PGAP1: variants seen among roughly 807,000 people sequenced by gnomAD.
PGAP1 encodes post-GPI attachment to proteins inositol deacylase 1.
Under a neutral mutation model 127.0 loss-of-function variants are expected in PGAP1, and 76 were observed. That is an observed-to-expected ratio of 0.60 (90% CI 0.50 to 0.72). The LOEUF (loss-of-function observed/expected upper bound fraction) is 0.72, where lower values mean the gene tolerates loss of function less well. Ranked by LOEUF, PGAP1 falls within the 30% of genes least tolerant of loss-of-function variation. The pLI is 0.00. For synonymous variants in PGAP1, 362 were observed against 366.5 expected (o/e 0.99, Z 0.14); for missense variants, 982 against 1,071.3 (o/e 0.92, Z 1.16).
intron 8 of PGAP1, among the ~76,000 whole-genome samples, chr2:196,892,641 A>G (rs1396050052): frequency 1.3e-5 from 2 of 152,112 alleles, no homozygotes; most frequent in Non-Finnish European, 2.9e-5. Context: ...GGAATTATCA[A>G]CATAGGAAAT....
rs2125802631 is a variant in PGAP1, at chr2:196,875,738, G to A, written c.1426+8C>T. ...AATTCTTATGCTTTCCAAAAACAAA[G>A]TACTTACCAAAGGAAAAAAGATGAG... On this transcript the variant is annotated splice_region_variant and intron_variant, in intron 14 of 26. Coordinates refer to ENST00000354764, the MANE Select transcript of PGAP1 (RefSeq NM_024989.4). 6.7e-7 allele frequency: 1 copy of A among 1,496,870 alleles called. No homozygotes were observed. Among genetic ancestry groups the A allele is most frequent in the South Asian group, 1.2e-5 (1 of 86,178 alleles). The allele number at this position is 1,496,870 out of a possible 1,614,324, so 92.7% of individuals were successfully genotyped here. A position where few individuals can be genotyped will look rare whatever the true frequency, so the allele number is the denominator to read the frequency against.
chr2:196,870,866 A>G (rs559717301), intron 19 of PGAP1, 75 bp downstream of exon 19: 412 of 1,304,846 alleles, frequency 3.2e-4, no homozygotes, highest in Non-Finnish European at 4.0e-4. Context: ...CCTTATGGAA[A>G]AAGTCTACAA....
chr2:196,873,156 G>C, intron 16 of PGAP1, 130 bp from the exon 17 acceptor site: 1 of 454,958 alleles, frequency 2.2e-6, no homozygotes, highest in Non-Finnish European at 3.9e-6. Context: ...TATATTACAT[G>C]ATAAAAAATT....
At chr2:196,879,138 A>G (rs953211395) in intron 13 of PGAP1, among the ~76,000 whole-genome samples, 5 of 152,244 alleles carry the variant, frequency 3.3e-5, no homozygotes, top group South Asian at 4.1e-4. Flanking sequence ...CACAGGCATA[A>G]TCATAGCATA....
intron 20 of PGAP1, among the ~76,000 whole-genome samples, chr2:196,857,377 G>A (rs1017565127): frequency 1.3e-5 from 2 of 152,188 alleles, no homozygotes; most frequent in Non-Finnish European, 2.9e-5. Context: ...GGTAGACTTA[G>A]CTTCAGAGCC....
intron 20 of PGAP1, among the ~76,000 whole-genome samples, chr2:196,861,866 C>A (rs115178646): frequency 3.1e-4 from 47 of 149,864 alleles, no homozygotes; most frequent in African/African-American, 1.1e-3. Context: ...TAATCAATAC[C>A]CTTGTGATTT....
Position 196,843,020 on chromosome 2 carries a change from A to T in PGAP1, c.2526-195T>A, listed in dbSNP as rs138357801. 1.1e-3 allele frequency among the ~76,000 whole-genome samples: 162 copies of T among 152,266 alleles called. No individual in the cohort carries two copies. The East Asian group carries it at 0.019, about 18-fold the overall frequency. ...TTTGTATTCAAGGTTTTAGAAAGAG[A>T]ATTATGATCAGAAACTACTAAAGGA... On this transcript the variant is annotated intron_variant, in intron 25 of 26. Coordinates refer to ENST00000354764, the MANE Select transcript of PGAP1 (RefSeq NM_024989.4).
intron 12 of PGAP1, among the ~76,000 whole-genome samples, chr2:196,882,129 C>T (rs62185648): frequency 2.6e-5 from 4 of 152,046 alleles, no homozygotes; most frequent in East Asian, 1.9e-4. Context: ...TGCTTGTTTT[C>T]GTCAAGTTTG....
intron 20 of PGAP1, among the ~76,000 whole-genome samples, chr2:196,860,321 C>T (rs1016237283): frequency 1.3e-5 from 2 of 152,102 alleles, no homozygotes; most frequent in Non-Finnish European, 2.9e-5. Flanking sequence ...CATTTGAGGT[C>T]AGGAGTTTGA....
chr2:196,844,329 TA>T (rs1162177093), intron 24 of PGAP1, among the ~76,000 whole-genome samples, 194 bp downstream of exon 24: 2 of 152,040 alleles, frequency 1.3e-5, no homozygotes, highest in African/African-American at 4.8e-5. Flanking sequence ...AATAAACTTG[TA>T]AAAAAATGAC....
intron 4 of PGAP1, among the ~76,000 whole-genome samples, chr2:196,905,837 G>A (rs1310012912): frequency 8.1e-6 from 1 of 124,030 alleles, no homozygotes; most frequent in African/African-American, 3.1e-5. Context: ...AGAAAGGGGT[G>A]ACGGACGCAC....
rs1019634221 is a variant in PGAP1, at chr2:196,836,854, A to C, written c.*4380T>G. 3.3e-5 allele frequency: 5 copies of C among 152,208 alleles called. No individual in the cohort carries two copies. Among genetic ancestry groups the C allele is most frequent in the Non-Finnish European group, 7.4e-5 (5 of 68,022 alleles). 9.4% of individuals were successfully genotyped at this position (152,208 alleles called of 1,614,324 possible). On this transcript the variant is annotated 3_prime_UTR_variant, in exon 27 of 27. Transcript: ENST00000354764. ...TATCCTGGCAAATGTCATGCACTCC[A>C]AATGGATTTTCCCCAGTAAATTTTA...
intron 13 of PGAP1, among the ~76,000 whole-genome samples, chr2:196,879,159 T>C (rs1250421742): frequency 6.6e-6 from 1 of 152,136 alleles, no homozygotes; most frequent in Non-Finnish European, 1.5e-5. Flanking sequence ...CTACAACCTC[T>C]ACCTCCTGGG....
intron 4 of PGAP1, among the ~76,000 whole-genome samples, chr2:196,904,818 C>G (rs1324436388): frequency 6.6e-6 from 1 of 152,132 alleles, no homozygotes; most frequent in African/African-American, 2.4e-5. Flanking sequence ...GCTACTTAGC[C>G]TTCATACTTC....
rs747036640 is a variant in PGAP1 at position 196,897,236 on chromosome 2, A to G, written c.861-39T>C. The G allele has an allele frequency of 4.7e-6, 6 of 1,264,468 alleles. No homozygotes were observed. In the African/African-American group the frequency reaches 9.1e-5, roughly 19 times the overall value. 78.3% of individuals were successfully genotyped at this position (1,264,468 alleles called of 1,614,324 possible). A position where few individuals can be genotyped will look rare whatever the true frequency, so the allele number is the denominator to read the frequency against. On this transcript the variant is annotated intron_variant, in intron 6 of 26. Transcript: ENST00000354764. ...TAAGTGTTACAAATAAAACTTTCTT[A>G]AAACATATACTTTTGATCAAAATAT...
Position 196,843,923 on chromosome 2 carries a change from G to T in PGAP1, c.2490C>A (p.Ser830Arg). ...TTAGCCAATAAATTAGAGAAGGCAT[G>T]CTGAGTAATACAATCCATGTTAGTA... The part of the protein sequence containing the change: ...INLLTWIVLL[S>R]MPSLIYWLKN... The change falls in exon 25 of 27, where the codon AGC becomes AGA. Residue 830 changes from serine to arginine, a missense_variant. By Grantham distance (110) the Ser-to-Arg change is moderately radical (BLOSUM62 -1). Coordinates refer to ENST00000354764, the MANE Select transcript of PGAP1 (RefSeq NM_024989.4). 1 of 1,542,874 alleles carries T rather than the reference G, an allele frequency of 6.5e-7. No individual in the cohort carries two copies. Among genetic ancestry groups the T allele is most frequent in the Non-Finnish European group, 8.8e-7 (1 of 1,138,984 alleles).
intron 19 of PGAP1, among the ~76,000 whole-genome samples, chr2:196,869,003 C>T (rs1474073617): frequency 6.6e-6 from 1 of 152,058 alleles, no homozygotes; most frequent in African/African-American, 2.4e-5. Context: ...TTTTATAGAA[C>T]TAAGCTTAAG....
At chr2:196,879,850 T>TA (rs1417292601) in intron 13 of PGAP1, among the ~76,000 whole-genome samples, 2 of 152,176 alleles carry the variant, frequency 1.3e-5, no homozygotes, top group Non-Finnish European at 2.9e-5. Context: ...TTTGAAAGAC[T>TA]GATTGATAAA....
chr2:196,900,033 C>T (rs929427367), intron 5 of PGAP1, among the ~76,000 whole-genome samples: 2 of 152,174 alleles, frequency 1.3e-5, no homozygotes, highest in South Asian at 2.1e-4. Context: ...AGCGAAACTC[C>T]GTCTCAAAAC....
Sources: gnomAD v4.1 joint callset for allele counts (sites outside exome capture counted in the v4.1 genomes callset) on GRCh38, gnomAD v4.1.1 for gene constraint, MANE v1.5 for transcripts, NCBI Gene and HGNC (gene_info 2026-07-23, HGNC 2026-07-21) for gene names.